KCNMA1: variants seen among roughly 807,000 people sequenced by gnomAD.
KCNMA1 encodes potassium calcium-activated channel subfamily M alpha 1, also known as Calcium-activated potassium channel subunit alpha-1.
Under a neutral mutation model 140.0 loss-of-function variants are expected in KCNMA1, and 29 were observed. The ratio of observed to expected loss-of-function variants is 0.21; its 90% confidence interval spans 0.15 to 0.28. The LOEUF (loss-of-function observed/expected upper bound fraction) is 0.28, where lower values mean the gene tolerates loss of function less well. Among genes scored for constraint, KCNMA1 ranks in the 10% least tolerant of loss-of-function variants. The pLI is 1.00. For missense variants in KCNMA1, 880 were observed against 1,602.2 expected, an observed-to-expected ratio of 0.55 and a Z score of 7.70; for synonymous variants, 612 against 611.9, an observed-to-expected ratio of 1.00 and a Z score of 0.00.
intron 15 of KCNMA1, chr10:77,039,215 A>T (rs1273856210): frequency 6.8e-6 from 3 of 439,654 alleles, no homozygotes; most frequent in Non-Finnish European, 1.3e-5. Context: ...GCAGGGGTTT[A>T]TGCCACTCTT....
At chr10:77,492,090 T>G (rs2040154771) in intron 1 of KCNMA1, among the ~76,000 whole-genome samples, 1 of 152,180 alleles carries the variant, frequency 6.6e-6, no homozygotes, top group South Asian at 2.1e-4. Context: ...GGGAAGCCCC[T>G]CTGGTCTGTG....
intron 2 of KCNMA1, among the ~76,000 whole-genome samples, chr10:77,347,454 G>A (rs368449369): frequency 2.6e-5 from 4 of 152,190 alleles, no homozygotes; most frequent in East Asian, 1.9e-4. Context: ...TCCTACCAAC[G>A]CTGAGATGAG....
intron 1 of KCNMA1, among the ~76,000 whole-genome samples, chr10:77,409,810 C>T (rs527287688): frequency 6.6e-6 from 1 of 152,288 alleles, no homozygotes; most frequent in African/African-American, 2.4e-5. Context: ...GCAGGAAGAA[C>T]TATGAAAATC....
At chr10:77,435,523 G>A (rs2097243640) in intron 1 of KCNMA1, among the ~76,000 whole-genome samples, 1 of 152,118 alleles carries the variant, frequency 6.6e-6, no homozygotes, top group South Asian at 2.1e-4. Context: ...TAGAAAGACT[G>A]GAAGAAAACT....
At chr10:77,127,845 G>A (rs180855935) in intron 5 of KCNMA1, among the ~76,000 whole-genome samples, 27 of 152,230 alleles carry the variant, frequency 1.8e-4, no homozygotes, top group African/African-American at 6.5e-4. Flanking sequence ...GTGGTGGTAT[G>A]TGCCTGTAAT....
At chr10:77,270,970 A>AT (rs774341886) in intron 2 of KCNMA1, among the ~76,000 whole-genome samples, 25 of 152,172 alleles carry the variant, frequency 1.6e-4, no homozygotes, top group Non-Finnish European at 3.5e-4. Flanking sequence ...TATCCAGAAT[A>AT]TTTTTACTTC....
At chr10:77,616,431 C>A (rs569585770) in intron 1 of KCNMA1, among the ~76,000 whole-genome samples, 61 of 152,310 alleles carry the variant, frequency 4.0e-4, no homozygotes, top group African/African-American at 1.4e-3. Context: ...CAAGTGCTAC[C>A]CTCAGCATTT....
intron 1 of KCNMA1, among the ~76,000 whole-genome samples, chr10:77,431,735 C>A (rs1009295606): frequency 6.8e-6 from 1 of 146,582 alleles, no homozygotes; most frequent in Admixed American, 6.9e-5. Context: ...CGGTGGCTCA[C>A]GCCTGTAATC....
At chr10:76,998,755 C>T (rs762900895) in intron 19 of KCNMA1, among the ~76,000 whole-genome samples, 3 of 152,142 alleles carry the variant, frequency 2.0e-5, no homozygotes, top group Non-Finnish European at 4.4e-5. Context: ...CCACCACCAG[C>T]GAGGGATGCC....
chr10:77,601,325 G>A (rs1048019319), intron 1 of KCNMA1, among the ~76,000 whole-genome samples: 3 of 152,096 alleles, frequency 2.0e-5, no homozygotes, highest in Non-Finnish European at 4.4e-5. Context: ...TGAAAAGGAC[G>A]GACGATCTCT....
intron 1 of KCNMA1, among the ~76,000 whole-genome samples, chr10:77,610,229 T>C (rs1055422765): frequency 6.6e-6 from 1 of 152,212 alleles, no homozygotes; most frequent in Non-Finnish European, 1.5e-5. Flanking sequence ...AGTGGTCTCA[T>C]GGTGCCACTG....
intron 1 of KCNMA1, among the ~76,000 whole-genome samples, chr10:77,409,943 T>C (rs2154474907): frequency 6.6e-6 from 1 of 152,338 alleles, no homozygotes; most frequent in Non-Finnish European, 1.5e-5. Context: ...CCCTGCCTGA[T>C]TCTTGCAGGA....
intron 1 of KCNMA1, among the ~76,000 whole-genome samples, chr10:77,413,153 C>T (rs2096656819): frequency 6.6e-6 from 1 of 152,076 alleles, no homozygotes; most frequent in African/African-American, 2.4e-5. Context: ...GCCACCTCGC[C>T]CGGCCCCATG....
At chr10:76,996,021 T>C (rs2084203812) in intron 19 of KCNMA1, among the ~76,000 whole-genome samples, 2 of 152,188 alleles carry the variant, frequency 1.3e-5, no homozygotes, top group Non-Finnish European at 1.5e-5. Context: ...TACATCTTCA[T>C]AGTGTATTCA....
intron 20 of KCNMA1, among the ~76,000 whole-genome samples, chr10:76,955,771 A>G (rs1255567262): frequency 1.3e-5 from 2 of 152,208 alleles, no homozygotes; most frequent in Non-Finnish European, 2.9e-5. Flanking sequence ...TTGCATAGAT[A>G]TCTATTAATA....
chr10:77,278,886 C>T (rs2067493333), intron 2 of KCNMA1, among the ~76,000 whole-genome samples: 1 of 152,200 alleles, frequency 6.6e-6, no homozygotes, highest in Non-Finnish European at 1.5e-5. Flanking sequence ...CACTGTATTA[C>T]ATCACAAATT....
At position 77,584,520 on chromosome 10, in the gene KCNMA1, A is replaced by G. The variant is rs1300696103; in HGVS notation, c.378+52745T>C. Among the ~76,000 whole-genome samples the G allele has an allele frequency of 2.6e-5, 4 of 151,976 alleles. No individual in the cohort carries two copies. In the East Asian group the frequency reaches 7.8e-4, roughly 29 times the overall value. ...CAGGTGCATGCCACCACGCCCAGCT[A>G]ATTTTTGTATTTTTAGTAGAGACAG... On this transcript the variant is annotated intron_variant, in intron 1 of 27. Transcript: ENST00000286628.
At chr10:77,518,835 T>G (rs987917061) in intron 1 of KCNMA1, among the ~76,000 whole-genome samples, 15 of 152,152 alleles carry the variant, frequency 9.9e-5, no homozygotes, top group Non-Finnish European at 2.2e-4. Context: ...GATCCCTGCC[T>G]CAGACAAAAT....
intron 1 of KCNMA1, among the ~76,000 whole-genome samples, chr10:77,541,528 C>T (rs1015244309): frequency 4.6e-5 from 7 of 152,120 alleles, no homozygotes; most frequent in East Asian, 1.9e-4. Flanking sequence ...AGGACCCACA[C>T]TTGGATTTCT....
Sources: gnomAD v4.1 joint callset for allele counts (sites outside exome capture counted in the v4.1 genomes callset) on GRCh38, gnomAD v4.1.1 for gene constraint, MANE v1.5 for transcripts, NCBI Gene and HGNC (gene_info 2026-07-23, HGNC 2026-07-21) for gene names.